MARCHF8: variants seen among roughly 807,000 people sequenced by gnomAD.
MARCHF8 encodes membrane associated ring-CH-type finger 8.
Under a neutral mutation model 51.6 loss-of-function variants are expected in MARCHF8, and 40 were observed. The observed-to-expected ratio is 0.77, with a 90% confidence interval of 0.60 to 1.01. MARCHF8 has a LOEUF of 1.01. Ranked by LOEUF, MARCHF8 falls within the 50% of genes least tolerant of loss-of-function variation. The pLI, the probability that MARCHF8 is intolerant of heterozygous loss-of-function variation, is 0.00. For missense variants in MARCHF8, 685 were observed against 708.6 expected, an observed-to-expected ratio of 0.97 and a Z score of 0.38; for synonymous variants, 263 against 280.3, an observed-to-expected ratio of 0.94 and a Z score of 0.62.
intron 2 of MARCHF8, among the ~76,000 whole-genome samples, chr10:45,507,426 C>A (rs1161242392): frequency 6.6e-6 from 1 of 152,080 alleles, no homozygotes; most frequent in South Asian, 2.1e-4. Flanking sequence ...GGATCTGCTT[C>A]CAGAGAGACA....
intron 1 of MARCHF8, among the ~76,000 whole-genome samples, chr10:45,582,891 G>T (rs975362722): frequency 1.3e-5 from 2 of 152,162 alleles, no homozygotes; most frequent in African/African-American, 4.8e-5. Context: ...GAATAGTTAA[G>T]TTGTCACTAA....
chr10:45,569,728 G>A (rs1471085768), intron 1 of MARCHF8, among the ~76,000 whole-genome samples: 1 of 152,136 alleles, frequency 6.6e-6, no homozygotes, highest in Admixed American at 6.5e-5. Flanking sequence ...AACACTTCAA[G>A]TATTGATTTA....
chr10:45,459,390 T>G (rs1842716610), intron 6 of MARCHF8, 123 bp from the exon 7 acceptor site: 1 of 1,112,554 alleles, frequency 9.0e-7, no homozygotes, highest in Non-Finnish European at 1.3e-6. Context: ...ACTAGATGCA[T>G]TCCCCCAAGT....
intron 2 of MARCHF8, among the ~76,000 whole-genome samples, chr10:45,498,005 T>C (rs994821402): frequency 6.6e-6 from 1 of 152,186 alleles, no homozygotes; most frequent in African/African-American, 2.4e-5. Context: ...AACAGACTAA[T>C]ACAAACATCT....
chr10:45,462,798 G>A (rs1425603565), intron 5 of MARCHF8, among the ~76,000 whole-genome samples: 2 of 151,866 alleles, frequency 1.3e-5, no homozygotes. Flanking sequence ...GCTAATTTTT[G>A]TATTTTTAGT....
At chr10:45,593,703 A>G (rs977963058) in intron 1 of MARCHF8, 3 of 152,278 alleles carry the variant, frequency 2.0e-5, no homozygotes, top group African/African-American at 7.2e-5. Flanking sequence ...GCAAGGAAAC[A>G]TGGAAAGAGA....
chr10:45,531,449 A>C (rs2043884335), intron 2 of MARCHF8, among the ~76,000 whole-genome samples: 1 of 152,172 alleles, frequency 6.6e-6, no homozygotes, highest in African/African-American at 2.4e-5. Context: ...TTAAAAGAAA[A>C]GTATTTAAAG....
At chr10:45,585,818 C>T (rs1429778811) in intron 1 of MARCHF8, among the ~76,000 whole-genome samples, 1 of 152,014 alleles carries the variant, frequency 6.6e-6, no homozygotes, top group African/African-American at 2.4e-5. Flanking sequence ...TTTTCTTTGG[C>T]AAAGATGTGT....
At chr10:45,530,437 T>G (rs867758676) in intron 2 of MARCHF8, among the ~76,000 whole-genome samples, 2 of 152,208 alleles carry the variant, frequency 1.3e-5, no homozygotes, top group Non-Finnish European at 2.9e-5. Flanking sequence ...CCATCCTAGC[T>G]TAACAATTTT....
chr10:45,532,736 G>C (rs2043907302), intron 2 of MARCHF8, among the ~76,000 whole-genome samples: 1 of 152,174 alleles, frequency 6.6e-6, no homozygotes, highest in Admixed American at 6.5e-5. Flanking sequence ...ACAGCAGCTA[G>C]GGCAGACTAA....
intron 1 of MARCHF8, among the ~76,000 whole-genome samples, chr10:45,562,527 C>T (rs2044321848): frequency 6.6e-6 from 1 of 152,124 alleles, no homozygotes; most frequent in Non-Finnish European, 1.5e-5. Flanking sequence ...TCATCATATG[C>T]ACAACAAAAC....
At chr10:45,538,611 G>A (rs146560823), upstream of MARCHF8, among the ~76,000 whole-genome samples, 572 of 152,278 alleles carry the variant, frequency 3.8e-3, 11 homozygotes, top group East Asian at 0.052. Context: ...AAAATAAAGG[G>A]ATGGAGGAAG....
At position 45,581,048 on chromosome 10, in the gene MARCHF8, C is replaced by T. The variant is rs2044550026; in HGVS notation, c.-79+13187G>A. Among the ~76,000 whole-genome samples the T allele has an allele frequency of 2.0e-5, 3 of 152,012 alleles. No homozygotes were observed. In the South Asian group the frequency reaches 6.2e-4, roughly 32 times the overall value. On this transcript the variant is annotated intron_variant, in intron 1 of 6. Transcript: ENST00000319836. ...GAGCAAGGCTGGGAACACGGAGAAA[C>T]CAGACAAGAGTAGGAAGACCTTAAC...
chr10:45,538,722 G>A (rs1387960960), upstream of MARCHF8, among the ~76,000 whole-genome samples: 14 of 152,122 alleles, frequency 9.2e-5, no homozygotes, highest in African/African-American at 2.4e-5. Flanking sequence ...GACAAAGAAG[G>A]CCATTACATA....
At chr10:45,568,885 G>A (rs1056073315) in intron 1 of MARCHF8, among the ~76,000 whole-genome samples, 41 of 151,444 alleles carry the variant, frequency 2.7e-4, no homozygotes, top group African/African-American at 7.3e-4. Flanking sequence ...TGGCTAACAC[G>A]GTAAAACCCT....
At chr10:45,501,165 G>A in intron 2 of MARCHF8, among the ~76,000 whole-genome samples, 1 of 151,232 alleles carries the variant, frequency 6.6e-6, no homozygotes. Flanking sequence ...GATATAGACA[G>A]GTTATTCTAA....
chr10:45,519,110 T>C lies in MARCHF8; in HGVS notation c.102+14000A>G, dbSNP rs551926062. Among the ~76,000 whole-genome samples, 41 of 152,266 alleles carry C rather than the reference T, an allele frequency of 2.7e-4. No homozygotes were observed. In the South Asian group the frequency reaches 3.1e-3, roughly 12 times the overall value. On this transcript the variant is annotated intron_variant, in intron 2 of 7. Coordinates refer to ENST00000453424, the MANE Select transcript of MARCHF8 (RefSeq NM_001282866.2). ...TTTCAATTTGATCTTAAAATGAAAA[T>C]ATAAAATATGTGAGTAAAAATTTAA...
intron 2 of MARCHF8, among the ~76,000 whole-genome samples, chr10:45,498,178 TA>T (rs2043209275): frequency 6.6e-6 from 1 of 152,208 alleles, no homozygotes; most frequent in South Asian, 2.1e-4. Flanking sequence ...GTATGCATAA[TA>T]TAAAATTCAC....
intron 7 of MARCHF8, 137 bp from the exon 8 acceptor site, chr10:45,458,680 G>A: frequency 1.0e-6 from 1 of 955,536 alleles, no homozygotes. Context: ...TTGCTATGTT[G>A]CCCAGGCTGG....
Sources: gnomAD v4.1 joint callset for allele counts (sites outside exome capture counted in the v4.1 genomes callset) on GRCh38, gnomAD v4.1.1 for gene constraint, MANE v1.5 for transcripts, NCBI Gene and HGNC (gene_info 2026-07-23, HGNC 2026-07-21) for gene names.